Variants in MALRD1 observed in about 807,000 individuals in gnomAD.
The protein encoded by MALRD1 is MAM and LDL-receptor class A domain-containing protein 1.
In MALRD1, 247 loss-of-function variants were observed where a neutral mutation model predicts 242.1. The observed-to-expected ratio is 1.02, with a 90% CI of 0.92 to 1.13. The LOEUF is 1.13. Ranked by LOEUF, MALRD1 falls within the 50% of genes most tolerant of loss-of-function variation. MALRD1 has a pLI of 0.00. For synonymous variants in MALRD1, 995 were observed against 866.6 expected, an observed-to-expected ratio of 1.15 and a Z score of -2.60; for missense variants, 2,989 against 2,533.1, an observed-to-expected ratio of 1.18 and a Z score of -3.86.
chr10:19,456,750 C>CGTTT (rs1554775829), intron 29 of MALRD1, among the ~76,000 whole-genome samples: 1 of 141,564 alleles, frequency 7.1e-6, no homozygotes, highest in Non-Finnish European at 1.5e-5. Flanking sequence ...TTAAAAGTGA[C>CGTTT]ATTTATTTAT....
In MALRD1 at chr10:19,312,378, G is replaced by GTGTA. The variant is rs140254793; in HGVS notation, c.3420-11570_3420-11569insGTAT. On this transcript the variant is annotated intron_variant, in intron 21 of 39. Coordinates refer to ENST00000454679, the MANE Select transcript of MALRD1 (RefSeq NM_001142308.3). Reference sequence around the variant, plus strand: ...TTCAGTACAGGGCACAGAGGAATGTGTATATATATATATATATATATATGT... The same window carrying GTGTA: ...TTCAGTACAGGGCACAGAGGAATGTGTGTATATATATATATATATATATATATGT... Among the ~76,000 whole-genome samples the GTGTA allele has an allele frequency of 5.1e-5, 7 of 137,548 alleles. No individual in the cohort carries two copies. In the East Asian group the frequency reaches 6.4e-4, roughly 12 times the overall value. The allele number at this position is 137,548 out of a possible 152,430, so 90.2% of individuals were successfully genotyped here.
chr10:19,264,049 C>T (rs1224519270), intron 19 of MALRD1, among the ~76,000 whole-genome samples: 1 of 152,178 alleles, frequency 6.6e-6, no homozygotes, highest in Non-Finnish European at 1.5e-5. Flanking sequence ...CTTTTACCCA[C>T]ATCCTCCCAA....
chr10:19,534,399 A>G (rs977705970), intron 32 of MALRD1, among the ~76,000 whole-genome samples: 1 of 152,198 alleles, frequency 6.6e-6, no homozygotes, highest in Non-Finnish European at 1.5e-5. Flanking sequence ...GAGGCTTTCC[A>G]TTAGCATGCT....
At chr10:19,706,184 T>C (rs927107548) in intron 38 of MALRD1, among the ~76,000 whole-genome samples, 2 of 152,202 alleles carry the variant, frequency 1.3e-5, no homozygotes, top group Non-Finnish European at 2.9e-5. Context: ...CAGAAACTTG[T>C]GGTTTCAAAA....
chr10:19,209,561 G>T lies in MALRD1; in HGVS notation c.2872G>T (p.Ala958Ser). ...GTTTGGAAAGCGCATTTATAGGTTG[G>T]CAATCTACCAACGAATCTGGAGTGA... is the stretch of plus-strand genomic sequence containing the variant. The part of the protein sequence containing the change: ...HMFGKRIYRL[A>S]IYQRIWSDSR... Residue 958 changes from alanine to serine, a missense_variant, in exon 18 of 40, where the codon GCA becomes TCA. Transcript: ENST00000454679. 1.3e-6 allele frequency: 2 copies of T among 1,550,806 alleles called. No individual in the cohort carries two copies. The highest frequency in any genetic ancestry group is 1.7e-6 in the Non-Finnish European group (2 of 1,147,036).
intron 26 of MALRD1, among the ~76,000 whole-genome samples, chr10:19,375,089 G>A (rs138131223): frequency 0.014 from 2,089 of 152,066 alleles, 50 homozygotes; most frequent in African/African-American, 0.047. Context: ...TTTATTGACC[G>A]GAGGGAAAAG....
At chr10:19,545,023 C>A (rs1835149587) in intron 32 of MALRD1, among the ~76,000 whole-genome samples, 1 of 152,130 alleles carries the variant, frequency 6.6e-6, no homozygotes, top group Non-Finnish European at 1.5e-5. Flanking sequence ...AATGTATTTC[C>A]TTATAATCAT....
intron 36 of MALRD1, among the ~76,000 whole-genome samples, chr10:19,662,746 G>T (rs1311029598): frequency 6.6e-6 from 1 of 152,100 alleles, no homozygotes; most frequent in East Asian, 1.9e-4. Flanking sequence ...ATTCATCAGG[G>T]TGACTTGGCC....
intron 14 of MALRD1, among the ~76,000 whole-genome samples, chr10:19,195,821 A>G (rs1013835297): frequency 1.3e-5 from 2 of 151,954 alleles, no homozygotes; most frequent in African/African-American, 4.8e-5. Flanking sequence ...TTGCTGCCCT[A>G]AAGTGTGTTC....
intron 32 of MALRD1, among the ~76,000 whole-genome samples, chr10:19,544,273 T>G (rs1835107588): frequency 6.6e-6 from 1 of 152,114 alleles, no homozygotes; most frequent in African/African-American, 2.4e-5. Flanking sequence ...CTGCAACTTC[T>G]GCCTCCTGGG....
intron 33 of MALRD1, among the ~76,000 whole-genome samples, chr10:19,572,261 G>T (rs1399203161): frequency 6.6e-6 from 1 of 152,142 alleles, no homozygotes; most frequent in Non-Finnish European, 1.5e-5. Flanking sequence ...TATTTGTATT[G>T]CATCTGTTTT....
At position 19,669,905 on chromosome 10, in the gene MALRD1, C is replaced by T. The variant is rs139013162; in HGVS notation, c.6138-22377C>T. 2.1e-3 allele frequency among the ~76,000 whole-genome samples: 320 copies of T among 152,094 alleles called. 2 individuals are homozygous for T. Among genetic ancestry groups the T allele is most frequent in the African/African-American group, 6.1e-3 (253 of 41,466 alleles). On this transcript the variant is annotated intron_variant, in intron 36 of 39. Transcript: ENST00000454679. ...TATAACAATAAAATAAAGAACCTCACGCATGTTTATTATTTATCAAAATGG... is the reference window on the plus strand; with the variant it reads ...TATAACAATAAAATAAAGAACCTCATGCATGTTTATTATTTATCAAAATGG...
chr10:19,395,695 T>G (rs993807002), intron 28 of MALRD1, among the ~76,000 whole-genome samples: 2 of 152,238 alleles, frequency 1.3e-5, no homozygotes, highest in Non-Finnish European at 2.9e-5. Flanking sequence ...TTAATTCAGT[T>G]AGTTGCGACA....
At chr10:19,630,165 C>G (rs1458873019) in intron 36 of MALRD1, among the ~76,000 whole-genome samples, 3 of 152,060 alleles carry the variant, frequency 2.0e-5, no homozygotes, top group African/African-American at 7.2e-5. Flanking sequence ...TTATGTCCAT[C>G]AGGGAAAAGA....
chr10:19,129,713 T>C (rs1418717643), intron 8 of MALRD1, among the ~76,000 whole-genome samples: 2 of 149,420 alleles, frequency 1.3e-5, no homozygotes, highest in East Asian at 3.9e-4. Flanking sequence ...TGAATAAATA[T>C]ATTCATAATA....
At chr10:19,433,531 A>C (rs1399407918) in intron 28 of MALRD1, among the ~76,000 whole-genome samples, 4 of 152,170 alleles carry the variant, frequency 2.6e-5, no homozygotes, top group African/African-American at 9.7e-5. Flanking sequence ...TGATAAGTCA[A>C]ATTTTGGTCA....
chr10:19,544,062 A>G lies in MALRD1; in HGVS notation c.5478+12711A>G, dbSNP rs566456349. On this transcript the variant is annotated intron_variant, in intron 32 of 39. Coordinates refer to ENST00000454679, the MANE Select transcript of MALRD1 (RefSeq NM_001142308.3). ...AATCTGAGCTTCTAGTTTTTTAAATAAATCCAGTCTTTTTATATGTGTTGT... is the reference window on the plus strand; with the variant it reads ...AATCTGAGCTTCTAGTTTTTTAAATGAATCCAGTCTTTTTATATGTGTTGT... Among the ~76,000 whole-genome samples, 9 of 152,218 alleles carry G rather than the reference A, an allele frequency of 5.9e-5. No homozygotes were observed. In the East Asian group the frequency reaches 1.5e-3, roughly 26 times the overall value.
intron 9 of MALRD1, among the ~76,000 whole-genome samples, chr10:19,134,768 T>C (rs1285863906): frequency 6.6e-6 from 1 of 152,212 alleles, no homozygotes; most frequent in Non-Finnish European, 1.5e-5. Flanking sequence ...AAATTTTGTT[T>C]TAACTCAAAG....
rs180778539 is a variant in MALRD1, at chr10:19,370,990, T to C, written c.4442-16538T>C. 3.8e-3 allele frequency among the ~76,000 whole-genome samples: 579 copies of C among 151,778 alleles called. 4 individuals carry two copies. Among genetic ancestry groups the C allele is most frequent in the African/African-American group, 0.012 (509 of 41,482 alleles). On this transcript the variant is annotated intron_variant, in intron 26 of 39. Coordinates refer to ENST00000454679, the MANE Select transcript of MALRD1 (RefSeq NM_001142308.3). ...CCTTTTCAAAATTTAGGGCTTTTTT[T>C]TTTGGTATTGTTGGATAGGATATCC... is the stretch of plus-strand genomic sequence containing the variant.
Sources: allele counts gnomAD v4.1 joint callset (sites outside exome capture counted in the v4.1 genomes callset), GRCh38; gene constraint gnomAD v4.1.1; transcripts MANE v1.5; gene names NCBI Gene and HGNC (gene_info 2026-07-23, HGNC 2026-07-21).